The following CNKSR3 variants were observed in gnomAD, a reference collection of about 807,000 sequenced individuals.
CNKSR3 encodes the protein connector enhancer of kinase suppressor of ras 3.
In CNKSR3, 36 loss-of-function variants were observed where a neutral mutation model predicts 67.7. The ratio of observed to expected loss-of-function variants is 0.53; its 90% CI spans 0.41 to 0.70. The LOEUF (loss-of-function observed/expected upper bound fraction) is 0.70, where lower values mean the gene tolerates loss of function less well. Among genes scored for constraint, CNKSR3 ranks in the 30% least tolerant of loss-of-function variants. The pLI, the probability that CNKSR3 is intolerant of heterozygous loss-of-function variation, is 0.00. For missense variants in CNKSR3, 630 were observed against 695.2 expected (o/e 0.91, Z 1.05); for synonymous variants, 281 against 271.4 (o/e 1.04, Z -0.35).
intron 1 of CNKSR3, among the ~76,000 whole-genome samples, chr6:154,497,673 G>A (rs1786906086): frequency 1.3e-5 from 2 of 152,202 alleles, no homozygotes; most frequent in Non-Finnish European, 2.9e-5. Context: ...CTGTATATGT[G>A]TGTATATACA....
chr6:154,441,234 A>G, intron 4 of CNKSR3, 58 bp downstream of exon 4: 1 of 1,244,448 alleles, frequency 8.0e-7, no homozygotes, highest in Non-Finnish European at 1.1e-6. Context: ...TTTCAAGAAG[A>G]GGAAAAGCAA....
At chr6:154,498,552 C>T (rs73794125) in intron 1 of CNKSR3, among the ~76,000 whole-genome samples, 16,635 of 152,154 alleles carry the variant, frequency 0.11, 1,124 homozygotes, top group Admixed American at 0.18. Flanking sequence ...ACTGTCACGC[C>T]CCCACACTGC....
Position 154,402,411 on chromosome 6 carries a change from T to TA in CNKSR3, c.*3942dup, listed in dbSNP as rs1221922466. On this transcript the variant is annotated 3_prime_UTR_variant, in exon 13 of 13. Coordinates refer to ENST00000607772, the MANE Select transcript of CNKSR3 (RefSeq NM_173515.4). The stretch of plus-strand genomic sequence containing the variant: ...ACACACAGAATTTTCAGCCCAGTTT[T>TA]AATATGCTTTGGATTTTTCAAGAAT... The TA allele has an allele frequency of 3.3e-5, 5 of 152,234 alleles. No homozygotes were observed. The highest frequency in any genetic ancestry group is 1.2e-4 in the African/African-American group (5 of 41,456). 9.4% of individuals were successfully genotyped at this position (152,234 alleles called of 1,614,324 possible).
chr6:154,427,428 T>C (rs1323770679), intron 7 of CNKSR3, among the ~76,000 whole-genome samples: 1 of 152,236 alleles, frequency 6.6e-6, no homozygotes, highest in African/African-American at 2.4e-5. Context: ...GGGAAGCTAT[T>C]CAAACATTTT....
At chr6:154,432,651 T>C (rs1360441533) in intron 5 of CNKSR3, among the ~76,000 whole-genome samples, 1 of 152,240 alleles carries the variant, frequency 6.6e-6, no homozygotes, top group Non-Finnish European at 1.5e-5. Context: ...GTTTTGCATT[T>C]TACATTTAGG....
At chr6:154,437,040 G>A (rs1785485297) in intron 4 of CNKSR3, among the ~76,000 whole-genome samples, 1 of 152,066 alleles carries the variant, frequency 6.6e-6, no homozygotes, top group African/African-American at 2.4e-5. Flanking sequence ...AAGAAGAAGG[G>A]GGGACGGCAA....
rs1000744186 is a variant in CNKSR3, at chr6:154,407,171, G to T, written c.1370-519C>A. On this transcript the variant is annotated intron_variant, in intron 12 of 12. Coordinates refer to ENST00000607772, the MANE Select transcript of CNKSR3 (RefSeq NM_173515.4). ...CCCTCATACTTTAGGCTGCTTTAGCGCCTGAGAGGTAGCACACGGGTCTCC... is the reference window on the plus strand; with the variant it reads ...CCCTCATACTTTAGGCTGCTTTAGCTCCTGAGAGGTAGCACACGGGTCTCC... Among the ~76,000 whole-genome samples, 5 of 152,142 alleles carry T rather than the reference G, an allele frequency of 3.3e-5. No individual in the cohort carries two copies. The South Asian group carries it at 8.3e-4, about 25-fold the overall frequency.
At position 154,393,854 on chromosome 6, in the gene CNKSR3, G is replaced by C. The variant is rs1160343028; in HGVS notation, c.*12500C>G. ...CCATATACCAAGCCTTGCAAAACAT[G>C]GCAAAATAAATGTTTTGGGGAAAAT... On this transcript the variant is annotated 3_prime_UTR_variant, in exon 13 of 13. Transcript: ENST00000607772. The C allele has an allele frequency of 6.6e-6, 1 of 152,138 alleles. No homozygotes were observed. The highest frequency in any genetic ancestry group is 6.6e-5 in the Admixed American group (1 of 15,266). The allele number at this position is 152,138 out of a possible 1,614,324, so 9.4% of individuals were successfully genotyped here. A position where few individuals can be genotyped will look rare whatever the true frequency, so the allele number is the denominator to read the frequency against.
chr6:154,510,146 G>A lies in CNKSR3; in HGVS notation c.-32C>T. 6.2e-7 allele frequency: 1 copy of A among 1,613,844 alleles called. No individual in the cohort carries two copies. Among genetic ancestry groups the A allele is most frequent in the Non-Finnish European group, 8.5e-7 (1 of 1,179,814 alleles). ...CCGCTTCGCCTCTCGCTGGGCTGGAGAGTCGCAGATAAAGTGCTGCTGCCT... is the reference window on the plus strand; with the variant it reads ...CCGCTTCGCCTCTCGCTGGGCTGGAAAGTCGCAGATAAAGTGCTGCTGCCT... On this transcript the variant is annotated 5_prime_UTR_variant, in exon 1 of 13. Transcript: ENST00000607772.
At position 154,488,148 on chromosome 6, in the gene CNKSR3, TATA is replaced by T. The variant is rs10588515; in HGVS notation, c.52+21912_52+21914del. Among the ~76,000 whole-genome samples the T allele has an allele frequency of 8.3e-3, 1,259 of 152,316 alleles. 23 individuals are homozygous for T. The highest frequency in any genetic ancestry group is 0.029 in the African/African-American group (1,219 of 41,566). On this transcript the variant is annotated intron_variant, in intron 1 of 12. Coordinates refer to ENST00000607772, the MANE Select transcript of CNKSR3 (RefSeq NM_173515.4). Reference sequence around the variant, plus strand: ...TTTTATAAGAAAAGTAAGGTAGTCTTATAATGTTTTTATAATGTTATAGTTACA... The same window carrying T: ...TTTTATAAGAAAAGTAAGGTAGTCTTATGTTTTTATAATGTTATAGTTACA...
chr6:154,419,032 C>CT (rs548152585), intron 9 of CNKSR3, among the ~76,000 whole-genome samples: 10,551 of 121,996 alleles, frequency 0.086, 722 homozygotes, highest in African/African-American at 0.18. Context: ...TACTCTCTTG[C>CT]TTTTTTTTTT....
At chr6:154,504,501 C>T (rs1031638696) in intron 1 of CNKSR3, among the ~76,000 whole-genome samples, 1 of 152,214 alleles carries the variant, frequency 6.6e-6, no homozygotes, top group Non-Finnish European at 1.5e-5. Flanking sequence ...AACTGGGATA[C>T]AAACTGAGTC....
intron 1 of CNKSR3, among the ~76,000 whole-genome samples, chr6:154,454,102 CACAGAGAGAGAGAGAG>C (rs1200414888): frequency 5.2e-5 from 6 of 115,296 alleles, no homozygotes; most frequent in South Asian, 7.7e-4. Flanking sequence ...CACACACACA[CACAGAGAGAGAGAGAG>C]AGAGAGAGAG....
chr6:154,416,850 G>A (rs1407173915), intron 9 of CNKSR3, among the ~76,000 whole-genome samples: 1 of 152,110 alleles, frequency 6.6e-6, no homozygotes, highest in Non-Finnish European at 1.5e-5. Context: ...GCATTTTGAT[G>A]GTAATTATCT....
intron 1 of CNKSR3, among the ~76,000 whole-genome samples, chr6:154,459,126 A>C: frequency 6.6e-6 from 1 of 151,038 alleles, no homozygotes; most frequent in Admixed American, 6.6e-5. Flanking sequence ...AGAGAAGAAA[A>C]AGAGAGAGAA....
chr6:154,423,061 G>T, intron 7 of CNKSR3, 78 bp from the exon 8 acceptor site: 1 of 961,924 alleles, frequency 1.0e-6, no homozygotes, highest in Non-Finnish European at 1.6e-6. Context: ...TCTTTCTTCT[G>T]TAGACAATTA....
chr6:154,438,613 T>C (rs1173175003), intron 4 of CNKSR3, among the ~76,000 whole-genome samples: 2 of 152,170 alleles, frequency 1.3e-5, no homozygotes, highest in Admixed American at 6.5e-5. Flanking sequence ...ATGGTAGAGG[T>C]AGGATTTGAA....
rs112645240 is a variant in CNKSR3, at chr6:154,437,612, C to T, written c.507+3680G>A. On this transcript the variant is annotated intron_variant, in intron 4 of 12. Coordinates refer to ENST00000607772, the MANE Select transcript of CNKSR3 (RefSeq NM_173515.4). ...TGTATTTTTAGTACAGATGGGGTTT[C>T]GCCATGTTTGCCAGACTAGTCTCGA... 1.8e-4 allele frequency among the ~76,000 whole-genome samples: 28 copies of T among 151,998 alleles called. 1 individual carries two copies. The highest frequency in any genetic ancestry group is 6.3e-4 in the African/African-American group (26 of 41,478).
chr6:154,392,643 T>C lies in CNKSR3; in HGVS notation c.*13711A>G, dbSNP rs1467279214. ...GCCTCTCTATTGGCATCATCAGAGG[T>C]TGTGTTTGCAGCTAGGCAACACTGC... On this transcript the variant is annotated 3_prime_UTR_variant, in exon 13 of 13. Coordinates refer to ENST00000607772, the MANE Select transcript of CNKSR3 (RefSeq NM_173515.4). 6.6e-6 allele frequency: 1 copy of C among 152,250 alleles called. No individual in the cohort carries two copies. The highest frequency in any genetic ancestry group is 1.5e-5 in the Non-Finnish European group (1 of 68,044). The allele number at this position is 152,250 out of a possible 1,614,324, so 9.4% of individuals were successfully genotyped here. A position where few individuals can be genotyped will look rare whatever the true frequency, so the allele number is the denominator to read the frequency against.
Sources: gnomAD v4.1 joint callset for allele counts (sites outside exome capture counted in the v4.1 genomes callset) on GRCh38, gnomAD v4.1.1 for gene constraint, MANE v1.5 for transcripts, NCBI Gene and HGNC (gene_info 2026-07-23, HGNC 2026-07-21) for gene names.